Variants in PKNOX2 observed in about 807,000 individuals in gnomAD.
PKNOX2 encodes the protein PBX/knotted 1 homeobox 2, also known as homeobox protein PKNOX2.
Under a neutral mutation model 53.1 loss-of-function variants are expected in PKNOX2, and 14 were observed. The observed-to-expected ratio is 0.26, with a 90% confidence interval of 0.17 to 0.41. PKNOX2 has a LOEUF of 0.41. PKNOX2 is among the 10% of genes least tolerant of loss of function. The pLI, the probability that PKNOX2 is intolerant of heterozygous loss-of-function variation, is 1.00. For missense variants in PKNOX2, 496 were observed against 602.8 expected (o/e 0.82, Z 1.85); for synonymous variants, 257 against 242.8 (o/e 1.06, Z -0.54).
intron 2 of PKNOX2, among the ~76,000 whole-genome samples, chr11:125,319,957 C>T (rs141231519): frequency 1.5e-3 from 221 of 152,254 alleles, no homozygotes; most frequent in African/African-American, 5.0e-3. Context: ...AAGATTTTGA[C>T]GTTGATCTCA....
chr11:125,194,290 C>A (rs542175765), intron 1 of PKNOX2, among the ~76,000 whole-genome samples: 1 of 152,214 alleles, frequency 6.6e-6, no homozygotes, highest in African/African-American at 2.4e-5. Flanking sequence ...CACCCCAGGC[C>A]GGCTCCCATT....
In PKNOX2 at chr11:125,284,388, T is replaced by C. The variant is rs912182982; in HGVS notation, c.-129-47431T>C. 1.3e-4 allele frequency among the ~76,000 whole-genome samples: 20 copies of C among 152,156 alleles called. 1 individual carries two copies. The highest frequency in any genetic ancestry group is 7.4e-5 in the Non-Finnish European group (5 of 68,026). ...CTCTCAGCCCGCTGCTCCTCAAGGG[T>C]GCGCCTTTACTCCACAACAACAACC... On this transcript the variant is annotated intron_variant, in intron 2 of 12. Coordinates refer to ENST00000298282, the MANE Select transcript of PKNOX2 (RefSeq NM_001382323.2).
rs1201042912 is a variant in PKNOX2 at position 125,346,838 on chromosome 11, G to A, written c.-22-4446G>A. 3.9e-5 allele frequency among the ~76,000 whole-genome samples: 6 copies of A among 152,024 alleles called. 1 individual carries two copies. The highest frequency in any genetic ancestry group is 1.5e-4 in the African/African-American group (6 of 41,368). On this transcript the variant is annotated intron_variant, in intron 3 of 12. Coordinates refer to ENST00000298282, the MANE Select transcript of PKNOX2 (RefSeq NM_001382323.2). ...GGAAGGGGGGAAGGAAGGGAGGAAG[G>A]AGGGGAGGAGGTCAGGGGCCAGAAG...
In PKNOX2 at chr11:125,370,016, C is replaced by T. The variant is rs562911642; in HGVS notation, c.227+2031C>T. On this transcript the variant is annotated intron_variant, in intron 5 of 12. Coordinates refer to ENST00000298282, the MANE Select transcript of PKNOX2 (RefSeq NM_001382323.2). The surrounding 1 kb of genome is among the most constrained non-coding windows in gnomAD (Gnocchi z 4.1). ...CACAAGATCCCAGGGGATTCCTATG[C>T]ATACTGAAGACTCACCTCGCAGCTG... 2.0e-4 allele frequency among the ~76,000 whole-genome samples: 30 copies of T among 152,252 alleles called. 1 individual carries two copies. Among genetic ancestry groups the T allele is most frequent in the Admixed American group, 1.8e-3 (28 of 15,296 alleles).
At chr11:125,174,208 C>G (rs1955532752) in intron 1 of PKNOX2, among the ~76,000 whole-genome samples, 1 of 152,112 alleles carries the variant, frequency 6.6e-6, no homozygotes, top group Non-Finnish European at 1.5e-5. Context: ...TGCCCCGGGC[C>G]CAGGGGCGAC....
At chr11:125,425,647 T>C (rs528060667) in intron 10 of PKNOX2, among the ~76,000 whole-genome samples, 1 of 152,104 alleles carries the variant, frequency 6.6e-6, no homozygotes, top group South Asian at 2.1e-4. Flanking sequence ...ATGGTTTGCG[T>C]GATCTCATTT....
At chr11:125,190,481 G>T (rs1013391312) in intron 1 of PKNOX2, among the ~76,000 whole-genome samples, 3 of 152,088 alleles carry the variant, frequency 2.0e-5, no homozygotes, top group Non-Finnish European at 4.4e-5. Flanking sequence ...TCAAAATACG[G>T]TACTCCGCTG....
intron 4 of PKNOX2, among the ~76,000 whole-genome samples, chr11:125,351,756 C>T (rs1204016215): frequency 1.3e-5 from 2 of 152,102 alleles, no homozygotes; most frequent in South Asian, 2.1e-4. Context: ...TGAGCGGAAC[C>T]GCCCTCTGAG....
rs546058915 is a variant in PKNOX2, at chr11:125,207,567, C to T, written c.-200-27478C>T. On this transcript the variant is annotated intron_variant, in intron 1 of 12. Transcript: ENST00000298282. ...ATCAGGAAAGGGTGGCATTACTGAACCAAAGTAGTAGAAAGCTTGGTGATG... is the reference window on the plus strand; with the variant it reads ...ATCAGGAAAGGGTGGCATTACTGAATCAAAGTAGTAGAAAGCTTGGTGATG... Among the ~76,000 whole-genome samples the T allele has an allele frequency of 1.8e-4, 28 of 151,950 alleles. 1 individual carries two copies. The highest frequency in any genetic ancestry group is 6.6e-4 in the Admixed American group (10 of 15,260).
chr11:125,309,197 TC>T, intron 2 of PKNOX2, among the ~76,000 whole-genome samples: 1 of 148,704 alleles, frequency 6.7e-6, no homozygotes, highest in African/African-American at 2.6e-5. Flanking sequence ...CCTTCCTTCC[TC>T]TCTCTTCCTT....
intron 2 of PKNOX2, among the ~76,000 whole-genome samples, chr11:125,305,455 C>T (rs562606026): frequency 5.3e-5 from 8 of 152,290 alleles, no homozygotes; most frequent in African/African-American, 1.2e-4. Context: ...TCAGAGAGCA[C>T]GCATACACCC....
In PKNOX2 at chr11:125,178,609, GGAAAGAAAGAAAGAAAGAAA is replaced by G. The variant is rs369928323; in HGVS notation, c.-201+13853_-201+13872del. Among the ~76,000 whole-genome samples, 334 of 46,068 alleles carry G rather than the reference GGAAAGAAAGAAAGAAAGAAA, an allele frequency of 7.3e-3. 19 individuals are homozygous for G. The highest frequency in any genetic ancestry group is 0.037 in the African/African-American group (291 of 7,816). The allele number at this position is 46,068 out of a possible 152,430, so 30.2% of individuals were successfully genotyped here. ...AGGAAGGAAGGAAGGAAGGAAGGAA[GGAAAGAAAGAAAGAAAGAAA>G]GAAAGAAAGAAAGAAAGAAGGAAGG... On this transcript the variant is annotated intron_variant, in intron 1 of 12. Coordinates refer to ENST00000298282, the MANE Select transcript of PKNOX2 (RefSeq NM_001382323.2).
chr11:125,341,039 G>A (rs1422661951), intron 3 of PKNOX2, among the ~76,000 whole-genome samples: 2 of 107,744 alleles, frequency 1.9e-5, no homozygotes, highest in Non-Finnish European at 3.4e-5. Flanking sequence ...GACAGAGTAA[G>A]ACTCCATCTC....
In PKNOX2 at chr11:125,214,850, A is replaced by T. The variant is rs532049356; in HGVS notation, c.-200-20195A>T. Among the ~76,000 whole-genome samples, 22 of 151,742 alleles carry T rather than the reference A, an allele frequency of 1.4e-4. No homozygotes were observed. In the East Asian group the frequency reaches 3.5e-3, roughly 24 times the overall value. On this transcript the variant is annotated intron_variant, in intron 1 of 12. Transcript: ENST00000298282. ...TCCAAGGCTTCTGTCCACTCCGAGA[A>T]CCCCTCTCTATCCATAGTGGCTCAA...
intron 10 of PKNOX2, among the ~76,000 whole-genome samples, chr11:125,412,818 CCTT>C (rs1591563407): frequency 6.6e-6 from 1 of 152,176 alleles, no homozygotes; most frequent in East Asian, 1.9e-4. Flanking sequence ...AAGAGGAAAT[CCTT>C]CTTCAGGGAG....
chr11:125,198,838 C>CT (rs1161671951), intron 1 of PKNOX2, among the ~76,000 whole-genome samples: 11 of 136,534 alleles, frequency 8.1e-5, no homozygotes, highest in African/African-American at 2.6e-4. Flanking sequence ...TCTTCTTCTT[C>CT]TTCTTTTTTT....
At chr11:125,230,542 G>A (rs7107770) in intron 1 of PKNOX2, among the ~76,000 whole-genome samples, 2 of 152,052 alleles carry the variant, frequency 1.3e-5, no homozygotes, top group Non-Finnish European at 2.9e-5. Flanking sequence ...CTTCTGGAAG[G>A]TTGGCTTATA....
chr11:125,255,747 C>T (rs908628530), intron 2 of PKNOX2, among the ~76,000 whole-genome samples: 7 of 152,076 alleles, frequency 4.6e-5, no homozygotes, highest in Admixed American at 1.3e-4. Context: ...GGGCTTTGTT[C>T]ACTTCTGGAA....
intron 1 of PKNOX2, among the ~76,000 whole-genome samples, chr11:125,199,958 T>C (rs942977715): frequency 2.6e-5 from 4 of 152,236 alleles, no homozygotes; most frequent in African/African-American, 9.6e-5. Flanking sequence ...TGAACCCTGG[T>C]CTTGCAGCCA....
Sources: allele counts gnomAD v4.1 joint callset (sites outside exome capture counted in the v4.1 genomes callset), GRCh38; gene constraint gnomAD v4.1.1; non-coding constraint Gnocchi (gnomAD v3.1); transcripts MANE v1.5; gene names NCBI Gene and HGNC (gene_info 2026-07-23, HGNC 2026-07-21).